The following SLC9A9 variants were observed in gnomAD, a reference collection of about 807,000 sequenced individuals.
SLC9A9 encodes the protein solute carrier family 9 member A9.
Under a neutral mutation model 77.8 loss-of-function variants are expected in SLC9A9, and 62 were observed. The observed-to-expected ratio is 0.80, with a 90% CI of 0.65 to 0.98. SLC9A9 has a LOEUF of 0.98. Ranked by LOEUF, SLC9A9 falls within the 50% of genes least tolerant of loss-of-function variation. The pLI, the probability that SLC9A9 is intolerant of heterozygous loss-of-function variation, is 0.00. For synonymous variants in SLC9A9, 320 were observed against 283.5 expected (o/e 1.13, Z -1.29); for missense variants, 775 against 774.9 (o/e 1.00, Z 0.00).
chr3:143,277,522 T>G (rs539032339), intron 14 of SLC9A9, among the ~76,000 whole-genome samples: 11 of 152,238 alleles, frequency 7.2e-5, no homozygotes, highest in Non-Finnish European at 1.3e-4. Context: ...ATTTTACCAC[T>G]ATTAGGTCTT....
At chr3:143,827,894 C>A (rs888435194) in intron 2 of SLC9A9, among the ~76,000 whole-genome samples, 1 of 152,192 alleles carries the variant, frequency 6.6e-6, no homozygotes, top group African/African-American at 2.4e-5. Context: ...CTCTGCTGAG[C>A]CGGACTTCTT....
In SLC9A9 at chr3:143,848,181, A is replaced by G; in HGVS notation, c.142T>C (p.Phe48Leu). Reference sequence around the variant, plus strand: ...ATTGCTCCTCCAGTTTCATGCAAGAAGCGGAATCGATGATTTTTAAATAAC... The same window carrying G: ...ATTGCTCCTCCAGTTTCATGCAAGAGGCGGAATCGATGATTTTTAAATAAC... ...IWLFKNHRFRFLHETGGAMVY... is the reference protein window; with the variant it reads ...IWLFKNHRFRLLHETGGAMVY... The change falls in exon 1 of 16, where the codon TTC (phenylalanine) becomes CTC (leucine). Residue 48 changes from phenylalanine to leucine, a missense_variant. Phe to Leu is a conservative substitution (Grantham distance 22). Coordinates refer to ENST00000316549, the MANE Select transcript of SLC9A9 (RefSeq NM_173653.4). 6.2e-7 allele frequency: 1 copy of G among 1,614,042 alleles called. No homozygotes were observed. Among genetic ancestry groups the G allele is most frequent in the African/African-American group, 1.3e-5 (1 of 75,038 alleles).
chr3:143,574,065 G>T, intron 8 of SLC9A9, 23 bp downstream of exon 8: 1 of 1,597,848 alleles, frequency 6.3e-7, no homozygotes, highest in Non-Finnish European at 8.6e-7. Flanking sequence ...CATCCAGTTG[G>T]CTGTGCAGCA....
chr3:143,471,824 A>G (rs1415646446), intron 11 of SLC9A9, among the ~76,000 whole-genome samples: 1 of 152,218 alleles, frequency 6.6e-6, no homozygotes, highest in Non-Finnish European at 1.5e-5. Flanking sequence ...ATTACCTGCA[A>G]TTAAATGTGG....
At position 143,266,694 on chromosome 3, in the gene SLC9A9, C is replaced by T; in HGVS notation, c.*8G>A. On this transcript the variant is annotated 3_prime_UTR_variant, in exon 16 of 16. Transcript: ENST00000316549. ...TACTTGTGATTACATCTGTACTCTT[C>T]ATGCCAATTAATTCAACTGGGATTG... 6.2e-7 allele frequency: 1 copy of T among 1,613,918 alleles called. No homozygotes were observed. The highest frequency in any genetic ancestry group is 8.5e-7 in the Non-Finnish European group (1 of 1,179,828).
intron 13 of SLC9A9, among the ~76,000 whole-genome samples, chr3:143,380,756 A>T (rs1215506466): frequency 6.6e-6 from 1 of 152,234 alleles, no homozygotes; most frequent in South Asian, 2.1e-4. Flanking sequence ...GAGAGCCAGG[A>T]TCATCACCAA....
At chr3:143,588,553 G>A (rs535698968) in intron 6 of SLC9A9, among the ~76,000 whole-genome samples, 11 of 152,284 alleles carry the variant, frequency 7.2e-5, no homozygotes, top group African/African-American at 2.2e-4. Flanking sequence ...TGGTTAAAAG[G>A]GAAGAAGAGT....
chr3:143,449,643 T>TAA (rs1480388883), intron 12 of SLC9A9, among the ~76,000 whole-genome samples: 1 of 47,562 alleles, frequency 2.1e-5, no homozygotes, highest in Non-Finnish European at 3.2e-5. Context: ...TATAATTATA[T>TAA]AATATAATTA....
intron 14 of SLC9A9, among the ~76,000 whole-genome samples, chr3:143,357,262 G>A (rs1488148469): frequency 1.3e-5 from 2 of 152,150 alleles, no homozygotes; most frequent in Non-Finnish European, 2.9e-5. Context: ...ATGAAATTCT[G>A]ATGATGCCAA....
At chr3:143,765,640 C>G (rs1318126689) in intron 4 of SLC9A9, among the ~76,000 whole-genome samples, 4 of 152,124 alleles carry the variant, frequency 2.6e-5, no homozygotes, top group African/African-American at 9.7e-5. Flanking sequence ...ATATAAGTGA[C>G]CAAAATAATC....
chr3:143,460,919 G>A (rs1483455287), intron 12 of SLC9A9, among the ~76,000 whole-genome samples: 1 of 152,032 alleles, frequency 6.6e-6, no homozygotes, highest in African/African-American at 2.4e-5. Flanking sequence ...AGAACATAAA[G>A]AAAATAGAAC....
chr3:143,520,719 A>G (rs1363341916), intron 9 of SLC9A9, among the ~76,000 whole-genome samples: 1 of 152,212 alleles, frequency 6.6e-6, no homozygotes, highest in African/African-American at 2.4e-5. Context: ...TATATGGATC[A>G]GGGATCTGAA....
At chr3:143,483,013 G>A (rs2035598171) in intron 11 of SLC9A9, among the ~76,000 whole-genome samples, 1 of 152,180 alleles carries the variant, frequency 6.6e-6, no homozygotes, top group Non-Finnish European at 1.5e-5. Flanking sequence ...TCCTGGCCTT[G>A]AATTTAAAGA....
intron 11 of SLC9A9, among the ~76,000 whole-genome samples, chr3:143,493,431 C>A (rs1261608560): frequency 6.6e-6 from 1 of 152,148 alleles, no homozygotes; most frequent in Admixed American, 6.5e-5. Context: ...AGATATGATA[C>A]CTTGAAGCCA....
intron 13 of SLC9A9, among the ~76,000 whole-genome samples, chr3:143,370,601 A>ACACACACACC (rs1436891895): frequency 2.3e-4 from 35 of 150,770 alleles, no homozygotes; most frequent in Non-Finnish European, 1.9e-4. Context: ...ACACACACAC[A>ACACACACACC]CCCTAACAAA....
Position 143,266,866 on chromosome 3 carries a change from G to A in SLC9A9, c.1774C>T (p.Gln592Ter), listed in dbSNP as rs752770927. ...CTGCAGGGTGAGGAGGCTTGCTCCT[G>A]GTAATTTATGGCTAGTTCATCCTGG... ...VNQDELAINYQEQASSPCSPP... is the reference protein window; with the variant it reads ...VNQDELAINY Residue 592 changes from glutamine (Q) to a stop codon, truncating the protein, a stop_gained, in exon 16 of 16, where the codon CAG becomes TAG. Transcript: ENST00000316549. LOFTEE classifies it high-confidence loss of function. 2.7e-5 allele frequency: 43 copies of A among 1,613,998 alleles called. No homozygotes were observed. The highest frequency in any genetic ancestry group is 3.3e-5 in the Non-Finnish European group (39 of 1,180,020).
intron 4 of SLC9A9, among the ~76,000 whole-genome samples, chr3:143,694,787 C>T (rs1933579338): frequency 6.6e-6 from 1 of 152,148 alleles, no homozygotes; most frequent in South Asian, 2.1e-4. Flanking sequence ...TGTAGTACAC[C>T]CTCAACCATC....
chr3:143,752,818 T>C (rs1295462081), intron 4 of SLC9A9, among the ~76,000 whole-genome samples: 2 of 152,132 alleles, frequency 1.3e-5, no homozygotes, highest in African/African-American at 4.8e-5. Context: ...TCCCATAATC[T>C]GCTTCCAATG....
intron 2 of SLC9A9, among the ~76,000 whole-genome samples, chr3:143,818,582 C>T (rs543673326): frequency 6.6e-6 from 1 of 152,138 alleles, no homozygotes; most frequent in Non-Finnish European, 1.5e-5. Context: ...GCTGGGATTA[C>T]AGGTGTGAGC....
Sources: gnomAD v4.1 joint callset for allele counts (sites outside exome capture counted in the v4.1 genomes callset) on GRCh38, gnomAD v4.1.1 for gene constraint, MANE v1.5 for transcripts, NCBI Gene and HGNC (gene_info 2026-07-23, HGNC 2026-07-21) for gene names.